Variants in ANKRD50 observed in about 807,000 individuals in gnomAD.
ANKRD50 encodes the protein ankyrin repeat domain-containing protein 50.
Under a neutral mutation model 112.0 loss-of-function variants are expected in ANKRD50, and 40 were observed. The ratio of observed to expected loss-of-function variants is 0.36; its 90% CI spans 0.28 to 0.46. The LOEUF is 0.46. Among genes scored for constraint, ANKRD50 ranks in the 20% least tolerant of loss-of-function variants. ANKRD50 has a pLI of 1.00. For missense variants in ANKRD50, 1,487 were observed against 1,701.7 expected (o/e 0.87, Z 2.22); for synonymous variants, 613 against 619.1 (o/e 0.99, Z 0.15).
At chr4:124,683,686 T>C (rs1724942000) in intron 2 of ANKRD50, among the ~76,000 whole-genome samples, 1 of 151,064 alleles carries the variant, frequency 6.6e-6, no homozygotes, top group African/African-American at 2.4e-5. Context: ...TTATTGGCAC[T>C]CTTTAAGTGT....
At chr4:124,709,304 A>C (rs1725576117) in intron 2 of ANKRD50, among the ~76,000 whole-genome samples, 2 of 152,100 alleles carry the variant, frequency 1.3e-5, no homozygotes, top group South Asian at 2.1e-4. Context: ...ATCTGAAACC[A>C]CTCTGGAAAG....
At chr4:124,707,736 T>C (rs2110529938) in intron 2 of ANKRD50, among the ~76,000 whole-genome samples, 1 of 152,194 alleles carries the variant, frequency 6.6e-6, no homozygotes, top group Non-Finnish European at 1.5e-5. Context: ...GCTCCTTCTG[T>C]CAATCAGAAA....
chr4:124,683,784 G>GT (rs1724944327), intron 2 of ANKRD50, among the ~76,000 whole-genome samples: 1 of 142,346 alleles, frequency 7.0e-6, no homozygotes, highest in African/African-American at 2.6e-5. Flanking sequence ...ATTGTTTGTT[G>GT]TATGTAATAC....
At chr4:124,680,944 T>C (rs1724873517) in intron 2 of ANKRD50, among the ~76,000 whole-genome samples, 1 of 152,096 alleles carries the variant, frequency 6.6e-6, no homozygotes, top group Non-Finnish European at 1.5e-5. Flanking sequence ...ATGAGAAGCA[T>C]GAAAATGAGT....
intron 2 of ANKRD50, among the ~76,000 whole-genome samples, chr4:124,690,436 A>G (rs1404955696): frequency 1.3e-5 from 2 of 152,218 alleles, no homozygotes; most frequent in Non-Finnish European, 2.9e-5. Context: ...TCTTCTGAGA[A>G]AAGTCTTTTT....
At position 124,671,272 on chromosome 4, in the gene ANKRD50, C is replaced by T. The variant is rs1467638489; in HGVS notation, c.2005G>A (p.Glu669Lys). 3 of 1,613,834 alleles carry T rather than the reference C, an allele frequency of 1.9e-6. No homozygotes were observed. The highest frequency in any genetic ancestry group is 2.7e-5 in the African/African-American group (2 of 75,002). The change falls in exon 4 of 5, where the codon GAA (glutamate) becomes AAA (lysine). Residue 669 changes from glutamate to lysine, a missense_variant. By Grantham distance (56) the Glu-to-Lys change is moderately conservative (BLOSUM62 1). Transcript: ENST00000504087. ...IVLNLLQHGA[E>K]VNKADNEGRT... is the part of the protein sequence containing the mutation. ...CCTTCATTATCAGCTTTGTTCACTT[C>T]AGCGCCATGTTGTAGCAAATTCAGT...
At chr4:124,682,694 C>T (rs1486486781) in intron 2 of ANKRD50, among the ~76,000 whole-genome samples, 1 of 151,930 alleles carries the variant, frequency 6.6e-6, no homozygotes, top group Non-Finnish European at 1.5e-5. Context: ...ATGTTAGGCA[C>T]ACCACCTTTC....
rs1315147150 is a variant in ANKRD50 at position 124,665,105 on chromosome 4, G to A, written c.*2413C>T. On this transcript the variant is annotated 3_prime_UTR_variant, in exon 5 of 5. Transcript: ENST00000504087. ...GGAGGACAATTTTTACTTTTTAATG[G>A]AGCAGAAGCCATTTTCATTTATAGT... is the stretch of plus-strand genomic sequence containing the variant. 1 of 151,722 alleles carries A rather than the reference G, an allele frequency of 6.6e-6. No homozygotes were observed. The highest frequency in any genetic ancestry group is 1.9e-4 in the East Asian group (1 of 5,164). 9.4% of individuals were successfully genotyped at this position (151,722 alleles called of 1,614,324 possible). A position where few individuals can be genotyped will look rare whatever the true frequency, so the allele number is the denominator to read the frequency against.
At chr4:124,696,003 A>G (rs1725243264) in intron 2 of ANKRD50, among the ~76,000 whole-genome samples, 2 of 152,106 alleles carry the variant, frequency 1.3e-5, no homozygotes, top group South Asian at 2.1e-4. Flanking sequence ...AAAAATTATT[A>G]AACAGAAAAA....
chr4:124,691,498 C>CA (rs71583369), intron 2 of ANKRD50, among the ~76,000 whole-genome samples: 43,651 of 59,688 alleles, frequency 0.73, 18,572 homozygotes, highest in East Asian at 0.83. Flanking sequence ...GACTCCGTCT[C>CA]AAAAAAAAAA....
intron 3 of ANKRD50, among the ~76,000 whole-genome samples, chr4:124,677,902 G>A (rs1378860446): frequency 6.6e-6 from 1 of 152,100 alleles, no homozygotes; most frequent in Non-Finnish European, 1.5e-5. Context: ...TAAATGCTAC[G>A]TTAAGTGTTA....
intron 3 of ANKRD50, among the ~76,000 whole-genome samples, chr4:124,675,287 CAG>C (rs1254201641): frequency 3.3e-5 from 5 of 151,696 alleles, no homozygotes; most frequent in Admixed American, 2.6e-4. Context: ...CTGGTGAAAA[CAG>C]AGTGAAAGAG....
chr4:124,706,679 C>T lies in ANKRD50; in HGVS notation c.512+3321G>A, dbSNP rs1401117991. 1.3e-5 allele frequency among the ~76,000 whole-genome samples: 2 copies of T among 151,988 alleles called. 1 individual carries two copies. Among genetic ancestry groups the T allele is most frequent in the Non-Finnish European group, 2.9e-5 (2 of 67,892 alleles). ...ATTGTTTCACACATGAATACGGATGCTCCTTAACCTATGATAGGATTACAC... is the reference window on the plus strand; with the variant it reads ...ATTGTTTCACACATGAATACGGATGTTCCTTAACCTATGATAGGATTACAC... On this transcript the variant is annotated intron_variant, in intron 2 of 4. Coordinates refer to ENST00000504087, the MANE Select transcript of ANKRD50 (RefSeq NM_020337.3).
At chr4:124,675,736 G>C (rs988010816) in intron 3 of ANKRD50, among the ~76,000 whole-genome samples, 1 of 151,698 alleles carries the variant, frequency 6.6e-6, no homozygotes, top group Admixed American at 6.6e-5. Flanking sequence ...AAATCTTGGA[G>C]GGTTAATTTT....
chr4:124,693,074 C>G (rs1264197866), intron 2 of ANKRD50, among the ~76,000 whole-genome samples: 1 of 152,090 alleles, frequency 6.6e-6, no homozygotes, highest in Non-Finnish European at 1.5e-5. Flanking sequence ...TTTGAAGTCC[C>G]TCTTCTTAAT....
At chr4:124,711,484 C>G (rs929345395) in intron 1 of ANKRD50, among the ~76,000 whole-genome samples, 4 of 152,154 alleles carry the variant, frequency 2.6e-5, no homozygotes, top group African/African-American at 9.7e-5. Flanking sequence ...GCTTCCCAAA[C>G]AGCCACATTT....
chr4:124,688,172 AGAAAAAACAAAAAAG>A (rs1451654158), intron 2 of ANKRD50, among the ~76,000 whole-genome samples: 1 of 152,362 alleles, frequency 6.6e-6, no homozygotes, highest in East Asian at 1.9e-4. Flanking sequence ...CAGTCATAAG[AGAAAAAACAAAAAAG>A]GAAAAACAAC....
In ANKRD50 at chr4:124,669,001, C is replaced by T; in HGVS notation, c.4276G>A (p.Glu1426Lys). The change falls in exon 4 of 5, where the codon GAA becomes AAA. Residue 1426 changes from glutamate (E) to lysine (K), a missense_variant. Glu to Lys is a moderately conservative substitution (Grantham distance 56, BLOSUM62 1). This residue lies in a region of ANKRD50 where 441 missense variants were observed against 432.2 expected (regional missense o/e 1.02). Coordinates refer to ENST00000504087, the MANE Select transcript of ANKRD50 (RefSeq NM_020337.3). ...AATATTACCTTTTATAATGGTGTTT[C>T]CTTTTTATAGTTGAAGCTAGGGTCA... ...GSDPSFNYKK[E>K]TPL The T allele has an allele frequency of 6.2e-7, 1 of 1,603,032 alleles. No homozygotes were observed. The highest frequency in any genetic ancestry group is 8.5e-7 in the Non-Finnish European group (1 of 1,177,262).
intron 2 of ANKRD50, among the ~76,000 whole-genome samples, chr4:124,679,710 G>A (rs75690769): frequency 0.014 from 2,196 of 152,242 alleles, 46 homozygotes; most frequent in African/African-American, 0.05. Flanking sequence ...TTCTAAAAGT[G>A]TGTTTTCTTA....
Sources: gnomAD v4.1 joint callset for allele counts (sites outside exome capture counted in the v4.1 genomes callset) on GRCh38, gnomAD v4.1.1 for gene constraint, gnomAD v4.1.1 regional missense constraint, MANE v1.5 for transcripts, NCBI Gene and HGNC (gene_info 2026-07-23, HGNC 2026-07-21) for gene names.